The following KCNJ4 variants were observed in gnomAD, a reference collection of about 807,000 sequenced individuals.
KCNJ4 encodes inward rectifier potassium channel 4.
KCNJ4 carries 3 observed loss-of-function variants against 25.6 expected under a neutral mutation model. The ratio of observed to expected loss-of-function variants is 0.12; its 90% CI spans 0.05 to 0.30. The LOEUF (loss-of-function observed/expected upper bound fraction) is 0.30. Among genes scored for constraint, KCNJ4 ranks in the 10% least tolerant of loss-of-function variants. The pLI, the probability that KCNJ4 is intolerant of heterozygous loss-of-function variation, is 1.00. For missense variants in KCNJ4, 286 were observed against 666.8 expected (o/e 0.43, Z 6.29); for synonymous variants, 257 against 283.9 (o/e 0.91, Z 0.95).
At chr22:38,450,550 C>T (rs1284110528) in intron 1 of KCNJ4, among the ~76,000 whole-genome samples, 1 of 152,230 alleles carries the variant, frequency 6.6e-6, no homozygotes, top group African/African-American at 2.4e-5. Context: ...GCAGCCCTAG[C>T]TTGGAGCCAG....
At chr22:38,453,034 C>T (rs528376605) in intron 1 of KCNJ4, among the ~76,000 whole-genome samples, 6 of 151,854 alleles carry the variant, frequency 4.0e-5, no homozygotes, top group Admixed American at 3.9e-4. Context: ...CACTCGCCCC[C>T]GCCTCCCCCA....
intron 1 of KCNJ4, among the ~76,000 whole-genome samples, chr22:38,442,596 C>T (rs1054046932): frequency 6.7e-6 from 1 of 149,514 alleles, no homozygotes; most frequent in Non-Finnish European, 1.5e-5. Flanking sequence ...GAACACTTCA[C>T]CTATGGGCTG....
intron 1 of KCNJ4, among the ~76,000 whole-genome samples, chr22:38,444,102 C>T (rs575949440): frequency 6.6e-6 from 1 of 152,174 alleles, no homozygotes; most frequent in Admixed American, 6.5e-5. Flanking sequence ...TCCAAGAGGC[C>T]CCGAGGCCCT....
At chr22:38,430,059 G>A (rs527481469) in intron 1 of KCNJ4, among the ~76,000 whole-genome samples, 1 of 139,804 alleles carries the variant, frequency 7.2e-6, no homozygotes, top group South Asian at 2.6e-4. Flanking sequence ...CTCCTCCCCC[G>A]CGGTCACCCA....
chr22:38,443,466 C>A lies in KCNJ4; in HGVS notation c.-40+11514G>T, dbSNP rs900474980. ...GCCCAAGCCATGCCCCCGTCCTCCC[C>A]TCTCCTGCCTTCCCCATCTCAGTCT... On this transcript the variant is annotated intron_variant, in intron 1 of 1. Coordinates refer to ENST00000303592, the MANE Select transcript of KCNJ4 (RefSeq NM_152868.3). The surrounding 1 kb of genome is among the most constrained non-coding windows in gnomAD (Gnocchi z 4.1). Among the ~76,000 whole-genome samples the A allele has an allele frequency of 1.1e-4, 16 of 152,178 alleles. No individual in the cohort carries two copies. Among genetic ancestry groups the A allele is most frequent in the Admixed American group, 9.8e-4 (15 of 15,276 alleles).
Position 38,443,466 on chromosome 22 carries a change from C to G in KCNJ4, c.-40+11514G>C, listed in dbSNP as rs900474980. ...GCCCAAGCCATGCCCCCGTCCTCCC[C>G]TCTCCTGCCTTCCCCATCTCAGTCT... On this transcript the variant is annotated intron_variant, in intron 1 of 1. Transcript: ENST00000303592. The surrounding 1 kb of genome is among the most constrained non-coding windows in gnomAD (Gnocchi z 4.1). Among the ~76,000 whole-genome samples the G allele has an allele frequency of 6.6e-6, 1 of 152,178 alleles. No homozygotes were observed. Among genetic ancestry groups the G allele is most frequent in the African/African-American group, 2.4e-5 (1 of 41,432 alleles).
intron 1 of KCNJ4, among the ~76,000 whole-genome samples, chr22:38,432,238 A>C (rs936783819): frequency 2.1e-5 from 3 of 145,776 alleles, no homozygotes; most frequent in African/African-American, 8.0e-5. Context: ...ACTGGGTGAC[A>C]CAGAGAGACT....
At chr22:38,444,901 C>A (rs567954595) in intron 1 of KCNJ4, among the ~76,000 whole-genome samples, 3 of 152,298 alleles carry the variant, frequency 2.0e-5, no homozygotes, top group African/African-American at 7.2e-5. Context: ...TGCCTTCCTG[C>A]CAGGTGCCAG....
rs573179515 is a variant in KCNJ4 at position 38,428,127 on chromosome 22, G to T, written c.6C>A (p.His2Gln). The part of the protein sequence containing the change: M[H>Q]GHSRNGQAHV... ...GGGCCTGGCCGTTGCGGCTGTGTCC[G>T]TGCATGTCCTGAAGCCGGCGTGGTC... The change falls in exon 2 of 2, where the codon CAC becomes CAA. Residue 2 changes from histidine (H) to glutamine (Q), a missense_variant. Physicochemically the swap from His to Gln is conservative, Grantham distance 24. Around this residue, in one of 11 missense-constraint regions of KCNJ4, gnomAD observed 32 missense variants for 38.4 expected, o/e 0.83. Transcript: ENST00000303592. 2.5e-6 allele frequency: 4 copies of T among 1,607,248 alleles called. No homozygotes were observed. The highest frequency in any genetic ancestry group is 1.7e-5 in the Admixed American group (1 of 59,728).
chr22:38,450,345 C>T (rs2089403400), intron 1 of KCNJ4, among the ~76,000 whole-genome samples: 1 of 152,060 alleles, frequency 6.6e-6, no homozygotes, highest in Admixed American at 6.6e-5. Flanking sequence ...ATCTTTCAGC[C>T]CAGGTTCACA....
intron 1 of KCNJ4, among the ~76,000 whole-genome samples, chr22:38,430,400 G>C (rs530830877): frequency 1.1e-3 from 172 of 152,310 alleles, no homozygotes; most frequent in Non-Finnish European, 2.0e-3. Context: ...GCTACTGGGG[G>C]GCTGAGGCAG....
intron 1 of KCNJ4, among the ~76,000 whole-genome samples, chr22:38,429,437 G>A (rs937895535): frequency 6.6e-6 from 1 of 152,218 alleles, no homozygotes; most frequent in Non-Finnish European, 1.5e-5. Flanking sequence ...GACAGGGAGT[G>A]GGAGGGGAGG....
At chr22:38,437,573 T>C (rs1210223425) in intron 1 of KCNJ4, among the ~76,000 whole-genome samples, 1 of 152,230 alleles carries the variant, frequency 6.6e-6, no homozygotes, top group Non-Finnish European at 1.5e-5. Context: ...GGCCAGCTTA[T>C]GCAAGAGCTG....
chr22:38,426,814 C>A lies in KCNJ4; in HGVS notation c.1319G>T (p.Arg440Leu). Residue 440 changes from arginine to leucine, a missense_variant, in exon 2 of 2, where the codon CGC becomes CTC. Transcript: ENST00000303592. ...ASLPLDNISY[R>L]RESAI ...TGGAGGTCAGATGGCAGACTCCCTG[C>A]GGTAGGAGATGTTGTCCAGCGGGAG... is the stretch of plus-strand genomic sequence containing the variant. 2 of 1,611,778 alleles carry A rather than the reference C, an allele frequency of 1.2e-6. No individual in the cohort carries two copies. Among genetic ancestry groups the A allele is most frequent in the Non-Finnish European group, 1.7e-6 (2 of 1,178,774 alleles).
rs1312744628 is a variant in KCNJ4, at chr22:38,427,808, C to T, written c.325G>A (p.Val109Met). Reference sequence around the variant, plus strand: ...TGCATGATGCAGGGCTTGGGGGCCACCGGGGCTGCTCCGCCACCACCCGCC... The same window carrying T: ...TGCATGATGCAGGGCTTGGGGGCCATCGGGGCTGCTCCGCCACCACCCGCC... ...PAAGGGGAAP[V>M]APKPCIMHVN... The change falls in exon 2 of 2, where the codon GTG (valine) becomes ATG (methionine). Residue 109 changes from valine to methionine, a missense_variant. This residue lies in a region of KCNJ4 where 29 missense variants were observed against 107.7 expected (regional missense o/e 0.27). Coordinates refer to ENST00000303592, the MANE Select transcript of KCNJ4 (RefSeq NM_152868.3). The T allele has an allele frequency of 3.7e-6, 6 of 1,609,686 alleles. No homozygotes were observed. The highest frequency in any genetic ancestry group is 3.4e-6 in the Non-Finnish European group (4 of 1,178,182).
chr22:38,440,097 C>CTAA (rs2089322425), intron 1 of KCNJ4, among the ~76,000 whole-genome samples: 1 of 76,018 alleles, frequency 1.3e-5, no homozygotes, highest in Admixed American at 1.4e-4. Context: ...GACTTCGTCT[C>CTAA]AAAAAAAAAA....
intron 1 of KCNJ4, among the ~76,000 whole-genome samples, chr22:38,433,489 C>T (rs969819784): frequency 1.3e-5 from 2 of 152,036 alleles, no homozygotes; most frequent in Non-Finnish European, 2.9e-5. Flanking sequence ...TTGATTATTA[C>T]TATTTTTTAT....
intron 1 of KCNJ4, among the ~76,000 whole-genome samples, chr22:38,441,741 G>A (rs569139266): frequency 7.2e-5 from 11 of 152,288 alleles, no homozygotes; most frequent in Admixed American, 2.0e-4. Flanking sequence ...GGGTGGTATC[G>A]CCTGTGACGC....
At chr22:38,442,845 C>T (rs956290883) in intron 1 of KCNJ4, among the ~76,000 whole-genome samples, 3 of 152,078 alleles carry the variant, frequency 2.0e-5, no homozygotes, top group African/African-American at 7.2e-5. Flanking sequence ...CAGGCTCAAG[C>T]GATCCTCCCA....
Sources: allele counts gnomAD v4.1 joint callset (sites outside exome capture counted in the v4.1 genomes callset), GRCh38; gene constraint gnomAD v4.1.1; regional missense constraint gnomAD v4.1.1; non-coding constraint Gnocchi (gnomAD v3.1); transcripts MANE v1.5; gene names NCBI Gene and HGNC (gene_info 2026-07-23, HGNC 2026-07-21).